ZNF880: variants seen among roughly 807,000 people sequenced by gnomAD.
ZNF880 encodes the protein zinc finger protein LOC400713.
In ZNF880, 12 loss-of-function variants were observed where a neutral mutation model predicts 11.8. The ratio of observed to expected loss-of-function variants is 1.02; its 90% CI spans 0.65 to 1.65. The LOEUF is 1.65. Among genes scored for constraint, ZNF880 ranks in the 40% most tolerant of loss-of-function variants. The pLI is 0.00. For missense variants in ZNF880, 601 were observed against 673.9 expected, an observed-to-expected ratio of 0.89 and a Z score of 1.20; for synonymous variants, 210 against 232.4, an observed-to-expected ratio of 0.90 and a Z score of 0.88.
chr19:52,395,957 T>C, the ZNF880 span, among the ~76,000 whole-genome samples: 1 of 152,140 alleles, frequency 6.6e-6, no homozygotes, highest in Non-Finnish European at 1.5e-5. Context: ...GATATCCCTT[T>C]TATTTTTATA....
chr19:52,394,866 A>T, the ZNF880 span: 39 of 152,310 alleles, frequency 2.6e-4, no homozygotes, highest in African/African-American at 9.4e-4. Flanking sequence ...GTGAGAAAAA[A>T]AATCTCTTTA....
At chr19:52,373,074 G>A in intron 1 of ZNF880, 37 bp from the exon 2 acceptor site, 1 of 1,608,740 alleles carries the variant, frequency 6.2e-7, no homozygotes. Context: ...CTCATTTTGT[G>A]TGATATCCTG....
chr19:52,376,006 C>T (rs779767518), intron 3 of ZNF880, among the ~76,000 whole-genome samples: 9 of 152,142 alleles, frequency 5.9e-5, no homozygotes, highest in Non-Finnish European at 1.3e-4. Flanking sequence ...TATTTCGTTC[C>T]ATTTTATGGC....
chr19:52,381,132 T>G (rs545653267), intron 3 of ZNF880, among the ~76,000 whole-genome samples: 1 of 152,214 alleles, frequency 6.6e-6, no homozygotes, highest in Non-Finnish European at 1.5e-5. Flanking sequence ...CTACTTTTAA[T>G]AGAGATGGGG....
intron 3 of ZNF880, among the ~76,000 whole-genome samples, chr19:52,380,675 T>G (rs1008085878): frequency 6.6e-6 from 1 of 152,182 alleles, no homozygotes; most frequent in Admixed American, 6.5e-5. Context: ...ATTTTTGCCT[T>G]CTTTCTTGTT....
upstream of ZNF880, among the ~76,000 whole-genome samples, chr19:52,369,232 G>T (rs1986266953): frequency 1.3e-5 from 2 of 150,230 alleles, no homozygotes; most frequent in Non-Finnish European, 3.0e-5. Context: ...TGTGGTGGTG[G>T]GCGCCTGTAA....
intron 2 of ZNF880, among the ~76,000 whole-genome samples, chr19:52,373,930 A>G (rs1293132197): frequency 6.6e-6 from 1 of 151,830 alleles, no homozygotes; most frequent in African/African-American, 2.4e-5. Flanking sequence ...CGGCCTCCCA[A>G]AGTGCTGAGA....
At chr19:52,381,432 GA>G (rs1457280270) in intron 3 of ZNF880, among the ~76,000 whole-genome samples, 1 of 152,060 alleles carries the variant, frequency 6.6e-6, no homozygotes, top group Non-Finnish European at 1.5e-5. Flanking sequence ...TGTTTGCATG[GA>G]AAATATTTTT....
intron 2 of ZNF880, among the ~76,000 whole-genome samples, chr19:52,373,921 G>C (rs35752205): frequency 0.051 from 7,769 of 151,602 alleles, 291 homozygotes; most frequent in South Asian, 0.092. Flanking sequence ...CGCCCACCTC[G>C]GCCTCCCAAA....
chr19:52,384,398 G>A lies in ZNF880; in HGVS notation c.818G>A (p.Cys273Tyr), dbSNP rs199840726. ...TGEKPYKCHE[C>Y]GKVFTQNSHL... Reference sequence around the variant, plus strand: ...GAGAAACCTTACAAATGTCATGAGTGTGGCAAAGTCTTCACTCAAAATTCT... The same window carrying A: ...GAGAAACCTTACAAATGTCATGAGTATGGCAAAGTCTTCACTCAAAATTCT... The change falls in exon 4 of 4, where the codon TGT becomes TAT. Residue 273 changes from cysteine (C) to tyrosine (Y), a missense_variant. Physicochemically the swap from Cys to Tyr is radical, Grantham distance 194 (BLOSUM62 -2). Around this residue, in one of 3 missense-constraint regions of ZNF880, gnomAD observed 420 missense variants for 442.6 expected, o/e 0.95. Coordinates refer to ENST00000422689, the MANE Select transcript of ZNF880 (RefSeq NM_001145434.2). 1.2e-6 allele frequency: 2 copies of A among 1,614,052 alleles called. No homozygotes were observed. The highest frequency in any genetic ancestry group is 8.5e-7 in the Non-Finnish European group (1 of 1,179,956).
At chr19:52,370,769 CAT>C (rs1388179589) in intron 1 of ZNF880, among the ~76,000 whole-genome samples, 2 of 152,156 alleles carry the variant, frequency 1.3e-5, no homozygotes, top group Non-Finnish European at 2.9e-5. Context: ...TTGTTGCAAA[CAT>C]GCTGAAATGC....
At chr19:52,393,386 T>G in the ZNF880 span, among the ~76,000 whole-genome samples, 1 of 150,388 alleles carries the variant, frequency 6.6e-6, no homozygotes, top group Non-Finnish European at 1.5e-5. Context: ...ATCCTGTTAG[T>G]TTTGAATGGA....
upstream of ZNF880, chr19:52,367,044 G>C: frequency 2.6e-6 from 1 of 378,574 alleles, no homozygotes. Flanking sequence ...TTAACTGCTG[G>C]CACCGTAATT....
At chr19:52,393,598 T>C in the ZNF880 span, among the ~76,000 whole-genome samples, 1 of 152,140 alleles carries the variant, frequency 6.6e-6, no homozygotes, top group Non-Finnish European at 1.5e-5. Context: ...TTGGGTTTTT[T>C]GTCTTTCTAC....
At chr19:52,381,811 TTTAAATA>T (rs896872617) in intron 3 of ZNF880, among the ~76,000 whole-genome samples, 1 of 146,348 alleles carries the variant, frequency 6.8e-6, no homozygotes, top group Non-Finnish European at 1.5e-5. Flanking sequence ...ACATTCTATT[TTTAAATA>T]TTAACAGTGT....
chr19:52,381,127 T>TTA (rs1986694859), intron 3 of ZNF880, among the ~76,000 whole-genome samples: 1 of 152,162 alleles, frequency 6.6e-6, no homozygotes, highest in South Asian at 2.1e-4. Flanking sequence ...ACTTACTACT[T>TTA]TTAATAGAGA....
chr19:52,386,116 A>G (rs1205127743), downstream of ZNF880, among the ~76,000 whole-genome samples: 1 of 133,180 alleles, frequency 7.5e-6, no homozygotes, highest in African/African-American at 3.1e-5. Context: ...TGGAGCTTGC[A>G]GTGAGCTATC....
At chr19:52,381,276 C>T (rs1032158104) in intron 3 of ZNF880, among the ~76,000 whole-genome samples, 1 of 152,130 alleles carries the variant, frequency 6.6e-6, no homozygotes, top group Non-Finnish European at 1.5e-5. Context: ...AGCTCTGACA[C>T]TTGGTGTTTA....
chr19:52,395,101 C>A, the ZNF880 span, among the ~76,000 whole-genome samples: 9 of 152,200 alleles, frequency 5.9e-5, no homozygotes, highest in African/African-American at 2.2e-4. Context: ...GCCTGCACAA[C>A]CAACATATTT....
Sources: allele counts gnomAD v4.1 joint callset (sites outside exome capture counted in the v4.1 genomes callset), GRCh38; gene constraint gnomAD v4.1.1; regional missense constraint gnomAD v4.1.1; transcripts MANE v1.5; gene names NCBI Gene and HGNC (gene_info 2026-07-23, HGNC 2026-07-21).